Variants in ANKS1B observed in about 807,000 individuals in gnomAD.
The protein encoded by ANKS1B is ankyrin repeat and sterile alpha motif domain-containing protein 1B.
A neutral mutation model predicts 148.3 loss-of-function variants in ANKS1B; 36 were observed. That is an observed-to-expected ratio of 0.24 (90% CI 0.19 to 0.32). ANKS1B has a LOEUF of 0.32. Among genes scored for constraint, ANKS1B ranks in the 10% least tolerant of loss-of-function variants. ANKS1B has a pLI of 1.00. For missense variants in ANKS1B, 1,157 were observed against 1,542.6 expected, an observed-to-expected ratio of 0.75 and a Z score of 4.19; for synonymous variants, 542 against 560.8, an observed-to-expected ratio of 0.97 and a Z score of 0.47.
intron 14 of ANKS1B, among the ~76,000 whole-genome samples, chr12:99,167,210 C>T (rs972028703): frequency 2.2e-4 from 33 of 151,660 alleles, no homozygotes; most frequent in African/African-American, 7.7e-4. Context: ...ACAGTAGGCA[C>T]CAGAAGTACA....
At chr12:99,406,414 T>C (rs1360340370) in intron 11 of ANKS1B, among the ~76,000 whole-genome samples, 1 of 145,768 alleles carries the variant, frequency 6.9e-6, no homozygotes, top group Non-Finnish European at 1.5e-5. Context: ...AACAATATGC[T>C]ACTGAATGAC....
chr12:98,768,888 G>GT (rs199775409), intron 25 of ANKS1B, among the ~76,000 whole-genome samples: 9 of 151,608 alleles, frequency 5.9e-5, no homozygotes, highest in South Asian at 2.1e-4. Flanking sequence ...CTGTAGGGGG[G>GT]GCTCCAGGCC....
At chr12:98,781,084 G>A (rs1011244157) in intron 24 of ANKS1B, 33 bp downstream of exon 24, 3 of 1,330,022 alleles carry the variant, frequency 2.3e-6, no homozygotes, top group Non-Finnish European at 3.2e-6. Flanking sequence ...GACTGCATCT[G>A]GTGTCTAAAC....
chr12:98,763,093 A>G (rs915317096), intron 25 of ANKS1B, among the ~76,000 whole-genome samples: 5 of 152,228 alleles, frequency 3.3e-5, no homozygotes, highest in African/African-American at 1.2e-4. Flanking sequence ...AGACACAAGA[A>G]GGTTTTTTTC....
At chr12:99,044,205 G>A (rs1335260717) in intron 17 of ANKS1B, among the ~76,000 whole-genome samples, 1 of 151,584 alleles carries the variant, frequency 6.6e-6, no homozygotes, top group Non-Finnish European at 1.5e-5. Flanking sequence ...AAATATAGCT[G>A]GATTAAAATT....
chr12:99,733,561 A>G (rs2059361917), intron 8 of ANKS1B, among the ~76,000 whole-genome samples: 1 of 152,212 alleles, frequency 6.6e-6, no homozygotes, highest in African/African-American at 2.4e-5. Context: ...AATTATCACA[A>G]TGACTCTGTA....
chr12:98,781,274 CCTG>C lies in ANKS1B; in HGVS notation c.3355-74_3355-72del, dbSNP rs539680706. ...GCAACTGAAGCACACAATTTTTCCT[CCTG>C]AAAGATAAAGATGAGCTCAAATTAA... On this transcript the variant is annotated intron_variant, in intron 23 of 26. Coordinates refer to ENST00000683438, the MANE Select transcript of ANKS1B (RefSeq NM_001352186.2). The C allele has an allele frequency of 1.0e-3, 881 of 865,782 alleles. 9 individuals carry two copies. The African/African-American group carries it at 0.012, about 12-fold the overall frequency. 53.6% of individuals were successfully genotyped at this position (865,782 alleles called of 1,614,324 possible).
intron 17 of ANKS1B, among the ~76,000 whole-genome samples, chr12:98,997,727 TA>T (rs1257739974): frequency 5.9e-5 from 9 of 152,232 alleles, no homozygotes; most frequent in Non-Finnish European, 1.0e-4. Context: ...ACTGGAATAG[TA>T]AGTAACCAAC....
At chr12:99,571,371 AATATAT>A (rs2097454065) in intron 9 of ANKS1B, among the ~76,000 whole-genome samples, 1 of 151,976 alleles carries the variant, frequency 6.6e-6, no homozygotes, top group East Asian at 1.9e-4. Flanking sequence ...AGAGAGATAT[AATATAT>A]ATTATTTATA....
chr12:99,450,210 A>C (rs2095708798), intron 10 of ANKS1B, among the ~76,000 whole-genome samples: 1 of 152,172 alleles, frequency 6.6e-6, no homozygotes, highest in Non-Finnish European at 1.5e-5. Flanking sequence ...AGGCAGGAGA[A>C]ATTCCCCTTT....
chr12:99,341,863 C>T (rs903759516), intron 12 of ANKS1B, among the ~76,000 whole-genome samples: 1 of 152,082 alleles, frequency 6.6e-6, no homozygotes, highest in Non-Finnish European at 1.5e-5. Flanking sequence ...GTATTCTGAT[C>T]AACATTCACC....
intron 9 of ANKS1B, among the ~76,000 whole-genome samples, chr12:99,652,687 G>C (rs2098428469): frequency 6.6e-6 from 1 of 152,070 alleles, no homozygotes. Flanking sequence ...AAGCAATCAA[G>C]TCAGCTGCTA....
Position 99,646,357 on chromosome 12 carries a change from T to C in ANKS1B, c.1272+8710A>G, listed in dbSNP as rs76492518. Among the ~76,000 whole-genome samples the C allele has an allele frequency of 9.3e-3, 1,420 of 152,240 alleles. 21 individuals carry two copies. Among genetic ancestry groups the C allele is most frequent in the African/African-American group, 0.033 (1,358 of 41,530 alleles). ...AAGAAATTATGTTTGCATTGACTTA[T>C]GCAACTAAAGACTCAAGTGGGCTGG... On this transcript the variant is annotated intron_variant, in intron 9 of 26. Transcript: ENST00000683438.
At chr12:99,722,938 A>AC (rs1039934899) in intron 8 of ANKS1B, among the ~76,000 whole-genome samples, 5 of 152,024 alleles carry the variant, frequency 3.3e-5, no homozygotes, top group South Asian at 4.2e-4. Context: ...GTGGGTCCCC[A>AC]CCCCCCCGCC....
intron 16 of ANKS1B, among the ~76,000 whole-genome samples, chr12:99,081,827 C>T (rs2153617295): frequency 1.3e-5 from 2 of 152,190 alleles, no homozygotes; most frequent in Non-Finnish European, 2.9e-5. Flanking sequence ...TTGAGGTGCT[C>T]TGATTAAAAA....
chr12:98,961,976 A>G (rs1252846185), intron 17 of ANKS1B, among the ~76,000 whole-genome samples: 1 of 152,024 alleles, frequency 6.6e-6, no homozygotes, highest in African/African-American at 2.4e-5. Flanking sequence ...CACCTTTACT[A>G]AAAGGAAGAA....
At chr12:99,070,508 A>G (rs190454983) in intron 16 of ANKS1B, among the ~76,000 whole-genome samples, 37 of 152,334 alleles carry the variant, frequency 2.4e-4, no homozygotes, top group African/African-American at 7.5e-4. Flanking sequence ...TGATGGCACT[A>G]GCTGTATTTC....
At chr12:99,550,312 A>G (rs1186824702) in intron 9 of ANKS1B, among the ~76,000 whole-genome samples, 1 of 152,174 alleles carries the variant, frequency 6.6e-6, no homozygotes, top group African/African-American at 2.4e-5. Flanking sequence ...ATTCCTACCT[A>G]TCCCACAGAT....
chr12:99,790,538 T>C (rs2065517815), intron 4 of ANKS1B, among the ~76,000 whole-genome samples: 2 of 152,060 alleles, frequency 1.3e-5, no homozygotes, highest in Admixed American at 1.3e-4. Context: ...CAAAAAATAA[T>C]GACTACAATG....
Sources: allele counts gnomAD v4.1 joint callset (sites outside exome capture counted in the v4.1 genomes callset), GRCh38; gene constraint gnomAD v4.1.1; transcripts MANE v1.5; gene names NCBI Gene and HGNC (gene_info 2026-07-23, HGNC 2026-07-21).